STK3: variants seen among roughly 807,000 people sequenced by gnomAD.
STK3 encodes serine/threonine kinase 3, also known as serine/threonine-protein kinase 3.
STK3 carries 41 observed loss-of-function variants against 58.0 expected under a neutral mutation model. The ratio of observed to expected loss-of-function variants is 0.71; its 90% confidence interval spans 0.55 to 0.92. The LOEUF (loss-of-function observed/expected upper bound fraction) is 0.92, where lower values mean the gene tolerates loss of function less well. Ranked by LOEUF, STK3 falls within the 40% of genes least tolerant of loss-of-function variation. The pLI, the probability that STK3 is intolerant of heterozygous loss-of-function variation, is 0.00. For missense variants in STK3, 479 were observed against 602.7 expected (o/e 0.79, Z 2.15); for synonymous variants, 170 against 191.0 (o/e 0.89, Z 0.91).
chr8:98,840,626 T>TACAC (rs1449382664), intron 3 of STK3, among the ~76,000 whole-genome samples: 7 of 133,420 alleles, frequency 5.2e-5, no homozygotes, highest in Non-Finnish European at 1.1e-4. Context: ...TATATATATA[T>TACAC]ATACACACAC....
chr8:98,809,355 T>C (rs764731699), intron 1 of STK3, among the ~76,000 whole-genome samples: 1 of 152,144 alleles, frequency 6.6e-6, no homozygotes, highest in Non-Finnish European at 1.5e-5. Context: ...TCCAGGGAGA[T>C]AGTATCAAAA....
the STK3 span, among the ~76,000 whole-genome samples, chr8:98,358,758 G>A: frequency 6.6e-6 from 1 of 152,106 alleles, no homozygotes; most frequent in Non-Finnish European, 1.5e-5. Context: ...GCAGTGAAGC[G>A]CCAAGCCTTC....
At chr8:98,743,828 C>T (rs1269948386) in intron 4 of STK3, among the ~76,000 whole-genome samples, 1 of 151,854 alleles carries the variant, frequency 6.6e-6, no homozygotes, top group South Asian at 2.1e-4. Context: ...ATTTTCGCAA[C>T]CTACTCATCT....
At chr8:98,930,824 A>C (rs1839978982) in intron 1 of STK3, among the ~76,000 whole-genome samples, 1 of 152,214 alleles carries the variant, frequency 6.6e-6, no homozygotes, top group Non-Finnish European at 1.5e-5. Context: ...TGTCAGAGAC[A>C]GTGACCTCTA....
At chr8:98,513,862 T>C (rs950526364) in intron 10 of STK3, among the ~76,000 whole-genome samples, 2 of 151,910 alleles carry the variant, frequency 1.3e-5, no homozygotes, top group Admixed American at 6.6e-5. Flanking sequence ...GGGGAGGAGT[T>C]TGAACTTATG....
chr8:98,356,838 C>T, the STK3 span, among the ~76,000 whole-genome samples: 1 of 152,186 alleles, frequency 6.6e-6, no homozygotes, highest in South Asian at 2.1e-4. Context: ...AAAACCTAAA[C>T]ACATCCAGAG....
chr8:98,660,003 T>C (rs747982268), intron 6 of STK3, among the ~76,000 whole-genome samples: 2 of 151,810 alleles, frequency 1.3e-5, no homozygotes, highest in East Asian at 1.9e-4. Flanking sequence ...AGATAATCTA[T>C]ACTAAAAACA....
Position 98,774,965 on chromosome 8 carries a change from T to A in STK3, c.27-146A>T. On this transcript the variant is annotated intron_variant, in intron 1 of 10. Transcript: ENST00000419617. ...AATATAAAAACATACATAGTAAACA[T>A]TCTCCTTTCAAGCCCTGTTCCTCAT... 7.8e-6 allele frequency: 4 copies of A among 511,746 alleles called. No homozygotes were observed. The South Asian group carries it at 1.7e-4, about 21-fold the overall frequency. 31.7% of individuals were successfully genotyped at this position (511,746 alleles called of 1,614,324 possible).
chr8:98,902,316 C>T lies in STK3; in HGVS notation c.-78-18482G>A, dbSNP rs550031149. Among the ~76,000 whole-genome samples, 46 of 152,214 alleles carry T rather than the reference C, an allele frequency of 3.0e-4. 1 individual carries two copies. The South Asian group carries it at 9.1e-3, about 30-fold the overall frequency. ...TTTCTGAGCTCTAGACCTATTTGTC[C>T]AATACCATGGATACACACATCTCCA... On this transcript the variant is annotated intron_variant, in intron 1 of 1. Transcript: ENST00000519420.
At chr8:98,624,831 G>A (rs749925703) in intron 6 of STK3, among the ~76,000 whole-genome samples, 8 of 151,810 alleles carry the variant, frequency 5.3e-5, no homozygotes, top group African/African-American at 1.9e-4. Flanking sequence ...TCAAGCCTGG[G>A]CAAAAAGAGT....
downstream of STK3, chr8:98,371,325 T>C (rs999017510): frequency 1.4e-4 from 21 of 152,236 alleles, no homozygotes; most frequent in African/African-American, 4.3e-4. Context: ...TGTACTTCCC[T>C]GTACATAACA....
In STK3 at chr8:98,421,316, G is replaced by A. The variant is rs943410874; in HGVS notation, n.483+12811C>T. ...CCTGGGCCTCAACTTCTGCACAGTG[G>A]TCTTCAGGAGGACCTAGGGTAGAGG... On this transcript the variant is annotated intron_variant and non_coding_transcript_variant, in intron 3 of 3. Transcript: ENST00000517832. Among the ~76,000 whole-genome samples the A allele has an allele frequency of 9.8e-5, 15 of 152,312 alleles. No homozygotes were observed. In the East Asian group the frequency reaches 2.9e-3, roughly 29 times the overall value.
At chr8:98,437,464 G>C (rs1259481066) in intron 1 of STK3, 1 of 152,228 alleles carries the variant, frequency 6.6e-6, no homozygotes, top group East Asian at 1.9e-4. Flanking sequence ...CAGCCTACAC[G>C]GCATGAGCGG....
At chr8:98,770,494 G>T (rs911454535) in intron 2 of STK3, among the ~76,000 whole-genome samples, 1 of 152,176 alleles carries the variant, frequency 6.6e-6, no homozygotes, top group Non-Finnish European at 1.5e-5. Flanking sequence ...ACAGTTGGGG[G>T]TGTCCCTAAC....
In STK3 at chr8:98,838,074, C is replaced by CAAA. The variant is rs58973724; in HGVS notation, c.110+45570_110+45572dup. On this transcript the variant is annotated intron_variant, in intron 3 of 12. Coordinates refer to the STK3 transcript ENST00000523601. The stretch of plus-strand genomic sequence containing the variant: ...TGAAACCGTGTCTCTACTAAAAATA[C>CAAA]AAAAAAAAAAAAAAAAAAAAAAGTC... Among the ~76,000 whole-genome samples, 16 of 58,750 alleles carry CAAA rather than the reference C, an allele frequency of 2.7e-4. No individual in the cohort carries two copies. In the South Asian group the frequency reaches 3.0e-3, roughly 11 times the overall value. 38.5% of individuals were successfully genotyped at this position (58,750 alleles called of 152,430 possible).
chr8:98,480,861 G>A (rs558435270), intron 10 of STK3, among the ~76,000 whole-genome samples: 6 of 152,238 alleles, frequency 3.9e-5, no homozygotes, highest in African/African-American at 1.4e-4. Context: ...AAAACACATA[G>A]ACATATACAT....
intron 3 of STK3, among the ~76,000 whole-genome samples, chr8:98,757,819 G>C (rs960034917): frequency 2.0e-5 from 3 of 152,048 alleles, no homozygotes; most frequent in Non-Finnish European, 4.4e-5. Flanking sequence ...AAGAAGAAAG[G>C]GCAGTCCAGG....
intron 9 of STK3, among the ~76,000 whole-genome samples, chr8:98,528,945 A>G (rs924430831): frequency 2.6e-5 from 4 of 152,064 alleles, no homozygotes; most frequent in African/African-American, 7.2e-5. Context: ...AGTTCCTTTC[A>G]TAGGATATAT....
chr8:98,622,873 C>T (rs1485068506), intron 6 of STK3, among the ~76,000 whole-genome samples: 1 of 152,140 alleles, frequency 6.6e-6, no homozygotes, highest in African/African-American at 2.4e-5. Context: ...ATTACTTCTA[C>T]AGCATTTAAT....
Sources: gnomAD v4.1 joint callset for allele counts (sites outside exome capture counted in the v4.1 genomes callset) on GRCh38, gnomAD v4.1.1 for gene constraint, MANE v1.5 for transcripts, NCBI Gene and HGNC (gene_info 2026-07-23, HGNC 2026-07-21) for gene names.